Variants in DCP1A observed in about 807,000 individuals in gnomAD.
DCP1A encodes mRNA-decapping enzyme 1A.
A neutral mutation model predicts 58.0 loss-of-function variants in DCP1A; 20 were observed. The observed-to-expected ratio is 0.34, with a 90% CI of 0.24 to 0.50. The LOEUF (loss-of-function observed/expected upper bound fraction) is 0.50. Among genes scored for constraint, DCP1A ranks in the 20% least tolerant of loss-of-function variants. The pLI, the probability that DCP1A is intolerant of heterozygous loss-of-function variation, is 0.98. For synonymous variants in DCP1A, 285 were observed against 275.1 expected (o/e 1.04, Z -0.36); for missense variants, 613 against 712.2 (o/e 0.86, Z 1.59).
At chr3:53,321,737 C>T (rs955371653) in intron 3 of DCP1A, among the ~76,000 whole-genome samples, 4 of 152,106 alleles carry the variant, frequency 2.6e-5, no homozygotes, top group Non-Finnish European at 5.9e-5. Flanking sequence ...ACAAAAAAAC[C>T]CAAAAAACAA....
intron 6 of DCP1A, among the ~76,000 whole-genome samples, chr3:53,299,920 T>C (rs1242851553): frequency 6.6e-6 from 1 of 152,030 alleles, no homozygotes; most frequent in Non-Finnish European, 1.5e-5. Flanking sequence ...CAGGCTGGAG[T>C]GTGGTGGCAC....
At chr3:53,319,321 A>T in intron 4 of DCP1A, 86 bp downstream of exon 4, 1 of 866,064 alleles carries the variant, frequency 1.2e-6, no homozygotes, top group Non-Finnish European at 1.8e-6. Context: ...ATGAGTTGGC[A>T]GACTTTAGTA....
chr3:53,291,210 T>G (rs1369868622), intron 7 of DCP1A, among the ~76,000 whole-genome samples: 1 of 152,152 alleles, frequency 6.6e-6, no homozygotes, highest in Non-Finnish European at 1.5e-5. Flanking sequence ...TTTTTGTGGG[T>G]ATATAGGTGT....
In DCP1A at chr3:53,283,829, C is replaced by G. The variant is rs1706522772; in HGVS notation, c.*3751G>C. On this transcript the variant is annotated 3_prime_UTR_variant, in exon 10 of 10. Coordinates refer to ENST00000610213, the MANE Select transcript of DCP1A (RefSeq NM_018403.7). ...CACTTTGAAGTGAATGATATTGCAT[C>G]TTAGCATTTTAAATGAAGGTGTCAA... The G allele has an allele frequency of 6.6e-6, 1 of 152,206 alleles. No homozygotes were observed. The highest frequency in any genetic ancestry group is 6.5e-5 in the Admixed American group (1 of 15,282). The allele number at this position is 152,206 out of a possible 1,614,324, so 9.4% of individuals were successfully genotyped here. A position where few individuals can be genotyped will look rare whatever the true frequency, so the allele number is the denominator to read the frequency against.
At chr3:53,332,968 C>T (rs1553691493) in intron 3 of DCP1A, 1 of 152,006 alleles carries the variant, frequency 6.6e-6, no homozygotes, top group African/African-American at 2.4e-5. Flanking sequence ...GGCTGAATGG[C>T]CTATATGTGG....
In DCP1A at chr3:53,292,449, A is replaced by G. The variant is rs1553686206; in HGVS notation, c.1003T>C (p.Leu335=). 6.2e-7 allele frequency: 1 copy of G among 1,613,982 alleles called. No homozygotes were observed. Among genetic ancestry groups the G allele is most frequent in the Non-Finnish European group, 8.5e-7 (1 of 1,179,884 alleles). The change falls in exon 7 of 10, where the codon TTA becomes CTA. Residue 335 remains leucine, a synonymous_variant. Transcript: ENST00000610213. ...EAPTAQVPPS[L]PRNSTMMQAV... ...TGCATCATGGTGCTGTTTCGAGGTA[A>G]GCTGGGGGGAACCTGTGCAGTAGGA...
At chr3:53,308,882 T>C (rs907941964) in intron 5 of DCP1A, among the ~76,000 whole-genome samples, 12 of 152,168 alleles carry the variant, frequency 7.9e-5, no homozygotes, top group African/African-American at 2.7e-4. Flanking sequence ...ATTATGGGCA[T>C]GAGTCACTGT....
At chr3:53,325,203 A>AC (rs1708075951) in intron 3 of DCP1A, among the ~76,000 whole-genome samples, 1 of 152,216 alleles carries the variant, frequency 6.6e-6, no homozygotes, top group African/African-American at 2.4e-5. Context: ...CATGGCTCAC[A>AC]CAAGATCAAG....
chr3:53,320,248 T>C (rs1316172282), intron 3 of DCP1A, among the ~76,000 whole-genome samples: 1 of 152,248 alleles, frequency 6.6e-6, no homozygotes, highest in Non-Finnish European at 1.5e-5. Flanking sequence ...GTCTATGGCA[T>C]TTCTTATCCC....
At chr3:53,329,543 A>G in intron 3 of DCP1A, 2 of 392,458 alleles carry the variant, frequency 5.1e-6, no homozygotes, top group Non-Finnish European at 9.0e-6. Flanking sequence ...AAAGAGCAAC[A>G]TATTAGACTA....
At chr3:53,302,621 T>C (rs1439096435) in intron 6 of DCP1A, among the ~76,000 whole-genome samples, 7 of 152,210 alleles carry the variant, frequency 4.6e-5, no homozygotes, top group Non-Finnish European at 1.0e-4. Context: ...TTTTATTTTA[T>C]TTATTTACTT....
intron 3 of DCP1A, among the ~76,000 whole-genome samples, chr3:53,338,860 C>CAAAAA (rs35824245): frequency 9.2e-6 from 1 of 108,182 alleles, no homozygotes; most frequent in Admixed American, 9.5e-5. Flanking sequence ...GGCTCCGTCT[C>CAAAAA]AAAAAAAAAA....
intron 2 of DCP1A, among the ~76,000 whole-genome samples, chr3:53,343,928 A>G (rs75259540): frequency 0.011 from 1,682 of 152,318 alleles, 73 homozygotes; most frequent in East Asian, 0.079. Flanking sequence ...TCCTTTTTAA[A>G]AGCAGAAAGA....
At position 53,290,814 on chromosome 3, in the gene DCP1A, T is replaced by C; in HGVS notation, c.1426A>G (p.Lys476Glu). The change falls in exon 8 of 10, where the codon AAG becomes GAG. Residue 476 changes from lysine (K) to glutamate (E), a missense_variant. This residue lies in a region of DCP1A where 498 missense variants were observed against 556.7 expected (regional missense o/e 0.89). Transcript: ENST00000610213. ...ACCGGGATGGCACTGGATAACACCTTAGGCTGCACAAATACTTCAGGATCC... is the reference window on the plus strand; with the variant it reads ...ACCGGGATGGCACTGGATAACACCTCAGGCTGCACAAATACTTCAGGATCC... ...NQDPEVFVQPKVLSSAIPVAG... is the reference protein window; with the variant it reads ...NQDPEVFVQPEVLSSAIPVAG... The C allele has an allele frequency of 6.3e-7, 1 of 1,589,058 alleles. No individual in the cohort carries two copies. Among genetic ancestry groups the C allele is most frequent in the Non-Finnish European group, 8.6e-7 (1 of 1,164,944 alleles).
At chr3:53,304,554 A>G (rs1281699719) in intron 5 of DCP1A, among the ~76,000 whole-genome samples, 1 of 152,144 alleles carries the variant, frequency 6.6e-6, no homozygotes, top group Non-Finnish European at 1.5e-5. Context: ...GTATTACTTT[A>G]TCACATATTC....
chr3:53,321,372 CTAAG>C (rs1553689926), intron 3 of DCP1A, among the ~76,000 whole-genome samples: 1 of 152,154 alleles, frequency 6.6e-6, no homozygotes, highest in African/African-American at 2.4e-5. Flanking sequence ...AACGGAGAGA[CTAAG>C]TAACTTATTA....
At chr3:53,287,993 T>G (rs1162394783) in intron 9 of DCP1A, 72 bp downstream of exon 9, 1 of 1,417,544 alleles carries the variant, frequency 7.1e-7, no homozygotes, top group African/African-American at 1.4e-5. Flanking sequence ...GAACTGATTC[T>G]GTAAGAGGAA....
chr3:53,288,642 T>G (rs1706736440), intron 8 of DCP1A, among the ~76,000 whole-genome samples: 1 of 152,146 alleles, frequency 6.6e-6, no homozygotes, highest in African/African-American at 2.4e-5. Context: ...GGGAAATGAC[T>G]GAAGAGGACA....
At chr3:53,298,656 G>C (rs1707210664) in intron 6 of DCP1A, among the ~76,000 whole-genome samples, 1 of 152,204 alleles carries the variant, frequency 6.6e-6, no homozygotes. Flanking sequence ...ATATGGAGAT[G>C]TCAATTCAGC....
Sources: allele counts gnomAD v4.1 joint callset (sites outside exome capture counted in the v4.1 genomes callset), GRCh38; gene constraint gnomAD v4.1.1; regional missense constraint gnomAD v4.1.1; transcripts MANE v1.5; gene names NCBI Gene and HGNC (gene_info 2026-07-23, HGNC 2026-07-21).